Variants in NUAK1 observed in about 807,000 individuals in gnomAD.
The protein encoded by NUAK1 is NUAK family SNF1-like kinase 1.
NUAK1 carries 26 observed loss-of-function variants against 56.9 expected under a neutral mutation model. The observed-to-expected ratio is 0.46, with a 90% CI of 0.33 to 0.63. The LOEUF is 0.63. Ranked by LOEUF, NUAK1 falls within the 30% of genes least tolerant of loss-of-function variation. NUAK1 has a pLI of 0.02. For missense variants in NUAK1, 727 were observed against 876.1 expected, an observed-to-expected ratio of 0.83 and a Z score of 2.15; for synonymous variants, 337 against 336.0, an observed-to-expected ratio of 1.00 and a Z score of -0.03.
rs768536587 is a variant in NUAK1 at position 106,066,889 on chromosome 12, T to C, written c.1899A>G (p.Ala633=). 1.9e-6 allele frequency: 3 copies of C among 1,614,210 alleles called. No individual in the cohort carries two copies. Among genetic ancestry groups the C allele is most frequent in the Non-Finnish European group, 2.5e-6 (3 of 1,180,024 alleles). ...CTGTGAGGAGGGAGAAGCTGCTGTC[T>C]GCCAGCCGGTTCCGGTACCGCTTCA... ...QYLKRYRNRL[A]DSSFSLLTDM... The change falls in exon 7 of 7, where the codon GCA becomes GCG. Residue 633 remains alanine (A), a synonymous_variant. Transcript: ENST00000261402.
intron 2 of NUAK1, among the ~76,000 whole-genome samples, chr12:106,088,230 T>C (rs1419284834): frequency 2.0e-5 from 3 of 152,186 alleles, no homozygotes; most frequent in Non-Finnish European, 2.9e-5. Context: ...GCAATATTTG[T>C]TTTGAAATCC....
At chr12:106,133,872 GCTCC>G (rs2033104477) in intron 1 of NUAK1, among the ~76,000 whole-genome samples, 1 of 152,190 alleles carries the variant, frequency 6.6e-6, no homozygotes, top group Non-Finnish European at 1.5e-5. Flanking sequence ...CAGGCTGGAA[GCTCC>G]CTGGGTCTTA....
chr12:106,135,654 A>C (rs2033122771), intron 1 of NUAK1, among the ~76,000 whole-genome samples: 1 of 152,204 alleles, frequency 6.6e-6, no homozygotes, highest in African/African-American at 2.4e-5. Context: ...GCTCCTCTTG[A>C]GAGATGCTGT....
chr12:106,070,150 G>A (rs1197567551), intron 6 of NUAK1, among the ~76,000 whole-genome samples: 1 of 152,204 alleles, frequency 6.6e-6, no homozygotes, highest in Non-Finnish European at 1.5e-5. Context: ...GAGCACTGAG[G>A]AAGGTCCACC....
intron 1 of NUAK1, among the ~76,000 whole-genome samples, chr12:106,122,886 A>G (rs2032992048): frequency 6.6e-6 from 1 of 152,178 alleles, no homozygotes; most frequent in African/African-American, 2.4e-5. Context: ...AAAATTTAAG[A>G]GCCACTGGAC....
At position 106,063,549 on chromosome 12, in the gene NUAK1, A is replaced by C. The variant is rs2032303569; in HGVS notation, c.*3253T>G. On this transcript the variant is annotated 3_prime_UTR_variant, in exon 7 of 7. Transcript: ENST00000261402. The stretch of plus-strand genomic sequence containing the variant: ...GCCATAAAGCATGTTGCACCAATTA[A>C]ATTACACCAATATATTATTATAATA... The C allele has an allele frequency of 6.6e-6, 1 of 152,592 alleles. No individual in the cohort carries two copies. Among genetic ancestry groups the C allele is most frequent in the African/African-American group, 2.4e-5 (1 of 41,428 alleles). The allele number at this position is 152,592 out of a possible 1,614,324, so 9.5% of individuals were successfully genotyped here.
rs1351168210 is a variant in NUAK1 at position 106,064,530 on chromosome 12, T to C, written c.*2272A>G. 4 of 152,200 alleles carry C rather than the reference T, an allele frequency of 2.6e-5. No individual in the cohort carries two copies. Among genetic ancestry groups the C allele is most frequent in the Non-Finnish European group, 4.4e-5 (3 of 68,046 alleles). 9.4% of individuals were successfully genotyped at this position (152,200 alleles called of 1,614,324 possible). On this transcript the variant is annotated 3_prime_UTR_variant, in exon 7 of 7. Transcript: ENST00000261402. The stretch of plus-strand genomic sequence containing the variant: ...GAGGAAGAAGGGAGTAGACTGACTT[T>C]CCTCAATAGTGTCATTTTTACTTAA...
chr12:106,084,520 A>C (rs1202047683), intron 3 of NUAK1, among the ~76,000 whole-genome samples: 1 of 152,224 alleles, frequency 6.6e-6, no homozygotes, highest in Non-Finnish European at 1.5e-5. Flanking sequence ...GCTGGGTGAA[A>C]GATGAAGCAT....
intron 4 of NUAK1, among the ~76,000 whole-genome samples, chr12:106,075,316 CACAG>C (rs1311714580): frequency 3.1e-4 from 47 of 149,998 alleles, no homozygotes; most frequent in African/African-American, 8.9e-4. Flanking sequence ...CACACACACA[CACAG>C]AGAGAGAGAG....
rs2033024360 is a variant in NUAK1 at position 106,126,364 on chromosome 12, A to C, written c.240+12050T>G. Among the ~76,000 whole-genome samples the C allele has an allele frequency of 3.9e-5, 6 of 152,320 alleles. No homozygotes were observed. In the South Asian group the frequency reaches 1.2e-3, roughly 32 times the overall value. Reference sequence around the variant, plus strand: ...GCAGAAGGGAACACCTGCCACAAGAAAAAATGACAGAGATATTTCTACTCT... The same window carrying C: ...GCAGAAGGGAACACCTGCCACAAGACAAAATGACAGAGATATTTCTACTCT... On this transcript the variant is annotated intron_variant, in intron 1 of 6. Transcript: ENST00000261402.
rs1169618816 is a variant in NUAK1, at chr12:106,138,538, G to A, written c.116C>T (p.Pro39Leu). 4 of 1,611,934 alleles carry A rather than the reference G, an allele frequency of 2.5e-6. No individual in the cohort carries two copies. The highest frequency in any genetic ancestry group is 1.7e-4 in the Middle Eastern group (1 of 6,048). The change falls in exon 1 of 7, where the codon CCG becomes CTG. Residue 39 changes from proline to leucine, a missense_variant. Coordinates refer to ENST00000261402, the MANE Select transcript of NUAK1 (RefSeq NM_014840.3). This position sits in a 1 kb window ranked among gnomAD's most constrained non-coding sequence, Gnocchi z 5.0. ...GTGGTGATGCCGCTTCACCCCGTGC[G>A]GCTTCCTGGGCTCCAGGGCTGCAGT... ...GATAALEPRK[P>L]HGVKRHHHKH... is the part of the protein sequence containing the mutation.
At chr12:106,119,523 A>G (rs137987008) in intron 1 of NUAK1, among the ~76,000 whole-genome samples, 122 of 152,326 alleles carry the variant, frequency 8.0e-4, no homozygotes, top group African/African-American at 2.6e-3. Context: ...ATTACGAGGA[A>G]AGCTTACTCA....
At chr12:106,083,027 T>C (rs12146713) in intron 4 of NUAK1, among the ~76,000 whole-genome samples, 8,366 of 152,182 alleles carry the variant, frequency 0.055, 324 homozygotes, top group Non-Finnish European at 0.087. Context: ...GTAGACGTGG[T>C]CAAAAGGACA....
At chr12:106,119,609 A>AT (rs2032953955) in intron 1 of NUAK1, among the ~76,000 whole-genome samples, 1 of 152,210 alleles carries the variant, frequency 6.6e-6, no homozygotes. Context: ...GAAGCAAGAC[A>AT]TGACAACTCA....
At chr12:106,073,646 C>T (rs1016790513) in intron 4 of NUAK1, among the ~76,000 whole-genome samples, 6 of 151,964 alleles carry the variant, frequency 3.9e-5, no homozygotes, top group African/African-American at 7.3e-5. Context: ...GGAAAAACCC[C>T]GTCTCTACTA....
At chr12:106,111,055 C>A (rs918283821) in intron 1 of NUAK1, among the ~76,000 whole-genome samples, 1 of 152,228 alleles carries the variant, frequency 6.6e-6, no homozygotes. Context: ...AGAGTAAATG[C>A]TCAGACTGTC....
intron 1 of NUAK1, among the ~76,000 whole-genome samples, chr12:106,135,300 G>A (rs1211327858): frequency 6.6e-6 from 1 of 152,212 alleles, no homozygotes; most frequent in African/African-American, 2.4e-5. Context: ...CTGAGTCCTG[G>A]TCTCACGGAC....
At chr12:106,083,538 A>G (rs2032540067) in intron 4 of NUAK1, among the ~76,000 whole-genome samples, 1 of 152,200 alleles carries the variant, frequency 6.6e-6, no homozygotes, top group Non-Finnish European at 1.5e-5. Context: ...TAAAATACAT[A>G]TGAAATATGT....
chr12:106,107,758 CAAA>C (rs532403574), intron 1 of NUAK1, among the ~76,000 whole-genome samples: 9 of 152,310 alleles, frequency 5.9e-5, no homozygotes, highest in Admixed American at 2.6e-4. Context: ...GCACTACAAA[CAAA>C]AACATTTCTA....
Sources: allele counts gnomAD v4.1 joint callset (sites outside exome capture counted in the v4.1 genomes callset), GRCh38; gene constraint gnomAD v4.1.1; non-coding constraint Gnocchi (gnomAD v3.1); transcripts MANE v1.5; gene names NCBI Gene and HGNC (gene_info 2026-07-23, HGNC 2026-07-21).